KCNAB1: variants seen among roughly 807,000 people sequenced by gnomAD.
KCNAB1 encodes the protein voltage-gated potassium channel subunit beta-1.
In KCNAB1, 35 loss-of-function variants were observed where a neutral mutation model predicts 64.6. That is an observed-to-expected ratio of 0.54 (90% CI 0.41 to 0.72). The LOEUF (loss-of-function observed/expected upper bound fraction) is 0.72. Among genes scored for constraint, KCNAB1 ranks in the 30% least tolerant of loss-of-function variants. The pLI is 0.00. For missense variants in KCNAB1, 401 were observed against 512.9 expected, an observed-to-expected ratio of 0.78 and a Z score of 2.11; for synonymous variants, 177 against 183.8, an observed-to-expected ratio of 0.96 and a Z score of 0.30.
chr3:156,482,257 C>G (rs1364339076), intron 8 of KCNAB1, among the ~76,000 whole-genome samples: 2 of 150,238 alleles, frequency 1.3e-5, no homozygotes, highest in Admixed American at 6.6e-5. Flanking sequence ...AAAGATGTCT[C>G]TAGAAAAAAA....
Position 156,123,715 on chromosome 3 carries a change from C to A in KCNAB1, c.275+2829C>A, listed in dbSNP as rs112142731. On this transcript the variant is annotated intron_variant, in intron 1 of 13. Coordinates refer to ENST00000490337, the MANE Select transcript of KCNAB1 (RefSeq NM_172160.3). ...TTTTTTAGAATGACAGCTCAGGGCCCTGCACCTTGAGGGAGGATGGGGCAG... is the reference window on the plus strand; with the variant it reads ...TTTTTTAGAATGACAGCTCAGGGCCATGCACCTTGAGGGAGGATGGGGCAG... Among the ~76,000 whole-genome samples, 659 of 152,254 alleles carry A rather than the reference C, an allele frequency of 4.3e-3. 3 individuals are homozygous for A. The highest frequency in any genetic ancestry group is 0.015 in the African/African-American group (634 of 41,548).
Position 156,515,319 on chromosome 3 carries a change from A to C in KCNAB1, c.865+99A>C, listed in dbSNP as rs998081040. On this transcript the variant is annotated intron_variant, in intron 10 of 13. Transcript: ENST00000490337. ...CAGTGTTATTGAAATGCTTTCCTAA[A>C]TGTCCCTAATTAACATAGACATTGT... 6 of 1,090,074 alleles carry C rather than the reference A, an allele frequency of 5.5e-6. No individual in the cohort carries two copies. In the African/African-American group the frequency reaches 8.0e-5, roughly 14 times the overall value. 67.5% of individuals were successfully genotyped at this position (1,090,074 alleles called of 1,614,324 possible).
intron 1 of KCNAB1, among the ~76,000 whole-genome samples, chr3:156,234,057 A>G (rs1027072410): frequency 6.6e-6 from 1 of 152,068 alleles, no homozygotes; most frequent in Non-Finnish European, 1.5e-5. Context: ...CAGCTCATAC[A>G]TGATTCTGAC....
intron 1 of KCNAB1, among the ~76,000 whole-genome samples, chr3:156,395,694 AAC>A (rs1713417116): frequency 6.6e-6 from 1 of 151,906 alleles, no homozygotes; most frequent in Non-Finnish European, 1.5e-5. Context: ...CTCCTAAGGG[AAC>A]AATGGATTCT....
chr3:156,307,676 T>A (rs1034455148), intron 1 of KCNAB1, among the ~76,000 whole-genome samples: 4 of 152,208 alleles, frequency 2.6e-5, no homozygotes, highest in Admixed American at 1.3e-4. Flanking sequence ...TGGGAGGCTG[T>A]CAACTGAGCA....
chr3:156,197,941 C>A (rs1029314860), intron 1 of KCNAB1, among the ~76,000 whole-genome samples: 5 of 152,106 alleles, frequency 3.3e-5, no homozygotes, highest in African/African-American at 9.7e-5. Context: ...TATATATTTC[C>A]GTCTTAACAC....
intron 1 of KCNAB1, among the ~76,000 whole-genome samples, chr3:156,173,803 C>T (rs1259266479): frequency 6.6e-6 from 1 of 152,158 alleles, no homozygotes; most frequent in African/African-American, 2.4e-5. Flanking sequence ...AGCATTTGTA[C>T]CAGAGGACTG....
chr3:156,535,976 G>T (rs529362512), intron 13 of KCNAB1, among the ~76,000 whole-genome samples: 1 of 152,240 alleles, frequency 6.6e-6, no homozygotes, highest in South Asian at 2.1e-4. Flanking sequence ...TCCGTATCCT[G>T]TTCTTAGCAT....
chr3:156,531,791 T>C (rs1453826284), intron 13 of KCNAB1, among the ~76,000 whole-genome samples: 1 of 152,240 alleles, frequency 6.6e-6, no homozygotes, highest in East Asian at 1.9e-4. Flanking sequence ...CCTGATAACT[T>C]GCTTGGAAAT....
intron 1 of KCNAB1, among the ~76,000 whole-genome samples, chr3:156,249,235 C>T (rs1717659933): frequency 6.6e-6 from 1 of 152,002 alleles, no homozygotes; most frequent in Non-Finnish European, 1.5e-5. Context: ...AAAGAAGTAG[C>T]TGACCATGAA....
intron 2 of KCNAB1, among the ~76,000 whole-genome samples, chr3:156,444,843 C>G (rs1717283438): frequency 6.6e-6 from 1 of 152,244 alleles, no homozygotes; most frequent in East Asian, 1.9e-4. Context: ...TCTACACCAT[C>G]CCGTGATTGC....
chr3:156,329,384 A>G (rs1462915040), intron 1 of KCNAB1, among the ~76,000 whole-genome samples: 4 of 152,112 alleles, frequency 2.6e-5, no homozygotes, highest in Non-Finnish European at 5.9e-5. Context: ...TTGCCTGCCT[A>G]CAATTCTTCA....
At chr3:156,385,508 A>G (rs1211131443) in intron 1 of KCNAB1, among the ~76,000 whole-genome samples, 1 of 152,144 alleles carries the variant, frequency 6.6e-6, no homozygotes, top group Non-Finnish European at 1.5e-5. Context: ...TTATTTTAAT[A>G]TGCTTTTCAA....
Position 156,352,764 on chromosome 3 carries a change from C to T in KCNAB1, c.276-68852C>T, listed in dbSNP as rs145283525. ...GCTGAGCAGCCTGGAAAGGAAAGGA[C>T]CCCCAACCACAGGAAAAAGGCTTTG... On this transcript the variant is annotated intron_variant, in intron 1 of 13. Coordinates refer to ENST00000490337, the MANE Select transcript of KCNAB1 (RefSeq NM_172160.3). 7.9e-5 allele frequency among the ~76,000 whole-genome samples: 12 copies of T among 152,340 alleles called. No individual in the cohort carries two copies. In the East Asian group the frequency reaches 2.3e-3, roughly 29 times the overall value.
At chr3:156,442,702 T>C (rs11915154) in intron 2 of KCNAB1, among the ~76,000 whole-genome samples, 7,156 of 152,146 alleles carry the variant, frequency 0.047, 335 homozygotes, top group South Asian at 0.21. Flanking sequence ...TCCCAGCCTT[T>C]CCTAATGAAA....
At chr3:156,359,858 A>G (rs922649582) in intron 1 of KCNAB1, among the ~76,000 whole-genome samples, 2 of 152,222 alleles carry the variant, frequency 1.3e-5, no homozygotes, top group Non-Finnish European at 2.9e-5. Context: ...GAAATGCTAT[A>G]TTAAAGGCAA....
In KCNAB1 at chr3:156,537,580, A is replaced by C. The variant is rs1719143877; in HGVS notation, c.*833A>C. 1 of 152,732 alleles carries C rather than the reference A, an allele frequency of 6.5e-6. No individual in the cohort carries two copies. The highest frequency in any genetic ancestry group is 1.5e-5 in the Non-Finnish European group (1 of 68,074). 9.5% of individuals were successfully genotyped at this position (152,732 alleles called of 1,614,324 possible). On this transcript the variant is annotated 3_prime_UTR_variant, in exon 14 of 14. Transcript: ENST00000490337. ...GAGGGCTACACTGCTATGGAAACTT[A>C]GCTTCAAAGAAAATGCAATGTATCT...
intron 1 of KCNAB1, among the ~76,000 whole-genome samples, chr3:156,198,838 G>A (rs185903903): frequency 1.2e-4 from 17 of 145,196 alleles, no homozygotes; most frequent in Admixed American, 2.1e-4. Flanking sequence ...TGATCCTGTC[G>A]TTATGATGCT....
intron 2 of KCNAB1, among the ~76,000 whole-genome samples, chr3:156,426,820 A>G (rs1012539593): frequency 2.0e-5 from 3 of 152,162 alleles, no homozygotes; most frequent in Non-Finnish European, 4.4e-5. Context: ...ATTTCTTTTT[A>G]GTGCTTCATA....
Sources: gnomAD v4.1 joint callset for allele counts (sites outside exome capture counted in the v4.1 genomes callset) on GRCh38, gnomAD v4.1.1 for gene constraint, MANE v1.5 for transcripts, NCBI Gene and HGNC (gene_info 2026-07-23, HGNC 2026-07-21) for gene names.